The following SH3RF2 variants were observed in gnomAD, a reference collection of about 807,000 sequenced individuals.
SH3RF2 encodes E3 ubiquitin-protein ligase SH3RF2.
SH3RF2 carries 43 observed loss-of-function variants against 59.0 expected under a neutral mutation model. The ratio of observed to expected loss-of-function variants is 0.73; its 90% CI spans 0.57 to 0.94. The LOEUF (loss-of-function observed/expected upper bound fraction) is 0.94, where lower values mean the gene tolerates loss of function less well. SH3RF2 is among the 40% of genes least tolerant of loss of function. The probability of loss-of-function intolerance (pLI) is 0.00; values close to 1 mark genes in which losing one functional copy is unlikely to be tolerated. For missense variants in SH3RF2, 930 were observed against 940.1 expected (o/e 0.99, Z 0.14); for synonymous variants, 391 against 391.5 (o/e 1.00, Z 0.01).
At chr5:146,020,565 T>A (rs1222927607) in intron 5 of SH3RF2, among the ~76,000 whole-genome samples, 1 of 152,226 alleles carries the variant, frequency 6.6e-6, no homozygotes, top group Non-Finnish European at 1.5e-5. Context: ...GCAGAATTAT[T>A]TCTCTCATAT....
rs576035948 is a variant in SH3RF2 at position 146,038,064 on chromosome 5, T to C, written c.1060-9708T>C. On this transcript the variant is annotated intron_variant, in intron 5 of 9. Coordinates refer to ENST00000359120, the MANE Select transcript of SH3RF2 (RefSeq NM_152550.4). ...TGATATATTTTATCACATTAACAGATTAAAGGAGAAAAAAATGTGATATTT... is the reference window on the plus strand; with the variant it reads ...TGATATATTTTATCACATTAACAGACTAAAGGAGAAAAAAATGTGATATTT... Among the ~76,000 whole-genome samples the C allele has an allele frequency of 7.9e-5, 12 of 152,170 alleles. 1 individual carries two copies. The South Asian group carries it at 2.5e-3, about 32-fold the overall frequency.
intron 7 of SH3RF2, among the ~76,000 whole-genome samples, chr5:146,052,433 C>A (rs1762533560): frequency 6.6e-6 from 1 of 152,174 alleles, no homozygotes; most frequent in African/African-American, 2.4e-5. Flanking sequence ...GGAGTTTCAG[C>A]ACAATAGATT....
intron 5 of SH3RF2, among the ~76,000 whole-genome samples, chr5:146,036,433 G>A (rs1019637550): frequency 6.6e-6 from 1 of 152,120 alleles, no homozygotes; most frequent in African/African-American, 2.4e-5. Context: ...GGTGGCTCAC[G>A]CCTGTAATCC....
downstream of SH3RF2, among the ~76,000 whole-genome samples, chr5:146,064,318 G>A (rs1321693417): frequency 6.6e-6 from 1 of 151,922 alleles, no homozygotes; most frequent in Non-Finnish European, 1.5e-5. Flanking sequence ...GAAGAATGGG[G>A]CAAAATTAGA....
chr5:145,953,172 G>A lies in SH3RF2; in HGVS notation c.378+14866G>A, dbSNP rs563834483. On this transcript the variant is annotated intron_variant, in intron 2 of 9. Coordinates refer to ENST00000359120, the MANE Select transcript of SH3RF2 (RefSeq NM_152550.4). ...CAAATAATAAAAATAATTGCAAATT[G>A]CAATGTGTCTGCTATATAAACTAAA... Among the ~76,000 whole-genome samples, 3 of 151,886 alleles carry A rather than the reference G, an allele frequency of 2.0e-5. No homozygotes were observed. In the South Asian group the frequency reaches 6.2e-4, roughly 31 times the overall value.
intron 2 of SH3RF2, among the ~76,000 whole-genome samples, chr5:145,996,173 C>A (rs925202182): frequency 1.3e-5 from 2 of 152,158 alleles, no homozygotes; most frequent in Non-Finnish European, 2.9e-5. Context: ...GCTCGGAATT[C>A]TTCTTTCAAA....
rs547580825 is a variant in SH3RF2, at chr5:145,965,161, C to T, written c.378+26855C>T. On this transcript the variant is annotated intron_variant, in intron 2 of 9. Coordinates refer to ENST00000359120, the MANE Select transcript of SH3RF2 (RefSeq NM_152550.4). ...TGAGCTGAGATCGCGCCACTGCACTCCAGCCTGGGTGACAGAGCAAGACTC... is the reference window on the plus strand; with the variant it reads ...TGAGCTGAGATCGCGCCACTGCACTTCAGCCTGGGTGACAGAGCAAGACTC... Among the ~76,000 whole-genome samples the T allele has an allele frequency of 7.9e-5, 12 of 152,048 alleles. No homozygotes were observed. The South Asian group carries it at 2.5e-3, about 32-fold the overall frequency.
chr5:146,055,130 G>A (rs1762623161), intron 7 of SH3RF2, among the ~76,000 whole-genome samples: 1 of 152,236 alleles, frequency 6.6e-6, no homozygotes, highest in African/African-American at 2.4e-5. Flanking sequence ...AAGTCTTATG[G>A]AGGCATGTGT....
chr5:145,968,528 A>G (rs1381011893), intron 2 of SH3RF2, among the ~76,000 whole-genome samples: 1 of 152,238 alleles, frequency 6.6e-6, no homozygotes, highest in Admixed American at 6.5e-5. Context: ...AAAAAAATCC[A>G]GAACATTATT....
rs749884545 is a variant in SH3RF2, at chr5:146,049,199, G to A, written c.1276G>A (p.Gly426Arg). 38 of 1,613,814 alleles carry A rather than the reference G, an allele frequency of 2.4e-5. No homozygotes were observed. The East Asian group carries it at 6.0e-4, about 26-fold the overall frequency. ...GWLRGVSLVT[G>R]RVGIFPNNYV... ...GCTCAGGGGCGTCTCCTTGGTCACC[G>A]GGCGAGTCGGCATCTTCCCAAACAA... Residue 426 changes from glycine to arginine, a missense_variant, in exon 7 of 10, where the codon GGG becomes AGG. Gly to Arg is a moderately radical substitution (Grantham distance 125). Transcript: ENST00000359120.
intron 5 of SH3RF2, among the ~76,000 whole-genome samples, chr5:146,032,426 C>T (rs1366501695): frequency 6.6e-6 from 1 of 152,070 alleles, no homozygotes; most frequent in African/African-American, 2.4e-5. Flanking sequence ...AGATCTTCAG[C>T]TCTTACATAC....
chr5:146,036,192 CT>C (rs1005660193), intron 5 of SH3RF2, among the ~76,000 whole-genome samples: 3 of 152,202 alleles, frequency 2.0e-5, no homozygotes, highest in Admixed American at 2.0e-4. Flanking sequence ...CCATCACACT[CT>C]GCTTTGATGC....
chr5:146,070,408 G>A (rs1005123095), intron 9 of SH3RF2, among the ~76,000 whole-genome samples: 1 of 152,178 alleles, frequency 6.6e-6, no homozygotes, highest in African/African-American at 2.4e-5. Context: ...TGAGAAGTAA[G>A]ATAACTGAGA....
intron 2 of SH3RF2, among the ~76,000 whole-genome samples, 184 bp downstream of exon 2, chr5:145,938,490 C>T (rs896084633): frequency 6.6e-5 from 10 of 152,184 alleles, no homozygotes; most frequent in African/African-American, 2.4e-4. Context: ...CTATCTAATC[C>T]ATCTAAGAAT....
chr5:146,038,905 C>T (rs1370358866), intron 5 of SH3RF2, among the ~76,000 whole-genome samples: 4 of 152,190 alleles, frequency 2.6e-5, no homozygotes, highest in Non-Finnish European at 5.9e-5. Context: ...ATTGGACTTA[C>T]CCAATCAGAT....
At chr5:146,063,886 C>A (rs1762982430), downstream of SH3RF2, among the ~76,000 whole-genome samples, 1 of 151,970 alleles carries the variant, frequency 6.6e-6, no homozygotes, top group African/African-American at 2.4e-5. Flanking sequence ...AAAAAGAAAG[C>A]ACAACATGCT....
At chr5:145,990,850 G>A (rs2149976515) in intron 2 of SH3RF2, among the ~76,000 whole-genome samples, 1 of 152,340 alleles carries the variant, frequency 6.6e-6, no homozygotes, top group South Asian at 2.1e-4. Flanking sequence ...CATCTGTAGA[G>A]ACAGAAAACA....
At position 145,952,258 on chromosome 5, in the gene SH3RF2, A is replaced by C. The variant is rs969819867; in HGVS notation, c.378+13952A>C. Among the ~76,000 whole-genome samples, 7 of 152,176 alleles carry C rather than the reference A, an allele frequency of 4.6e-5. No individual in the cohort carries two copies. In the South Asian group the frequency reaches 1.4e-3, roughly 32 times the overall value. ...CCTAAAACATCTCTAAAGTATCCAC[A>C]TGCTGGGGTTTCAGGTCATACCAGG... On this transcript the variant is annotated intron_variant, in intron 2 of 9. Coordinates refer to ENST00000359120, the MANE Select transcript of SH3RF2 (RefSeq NM_152550.4).
In SH3RF2 at chr5:146,022,874, AACACACACAC is replaced by A. The variant is rs57377156; in HGVS notation, c.1059+8853_1059+8862del. Among the ~76,000 whole-genome samples the A allele has an allele frequency of 7.5e-3, 1,060 of 141,976 alleles. 12 individuals are homozygous for A. The highest frequency in any genetic ancestry group is 0.032 in the East Asian group (154 of 4,826). 93.1% of individuals were successfully genotyped at this position (141,976 alleles called of 152,430 possible). A position where few individuals can be genotyped will look rare whatever the true frequency, so the allele number is the denominator to read the frequency against. ...GTGACACAGAGCAAGGCTCCATCTA[AACACACACAC>A]ACACACACACACACACACACACACA... On this transcript the variant is annotated intron_variant, in intron 5 of 9. Coordinates refer to ENST00000359120, the MANE Select transcript of SH3RF2 (RefSeq NM_152550.4).
Sources: gnomAD v4.1 joint callset for allele counts (sites outside exome capture counted in the v4.1 genomes callset) on GRCh38, gnomAD v4.1.1 for gene constraint, MANE v1.5 for transcripts, NCBI Gene and HGNC (gene_info 2026-07-23, HGNC 2026-07-21) for gene names.